The following LNX1 variants were observed in gnomAD, a reference collection of about 807,000 sequenced individuals.
LNX1 encodes the protein E3 ubiquitin-protein ligase LNX.
A neutral mutation model predicts 68.4 loss-of-function variants in LNX1; 54 were observed. The ratio of observed to expected loss-of-function variants is 0.79; its 90% CI spans 0.63 to 0.99. The LOEUF (loss-of-function observed/expected upper bound fraction) is 0.99, where lower values mean the gene tolerates loss of function less well. Ranked by LOEUF, LNX1 falls within the 50% of genes least tolerant of loss-of-function variation. The probability of loss-of-function intolerance (pLI) is 0.00; values close to 1 mark genes in which losing one functional copy is unlikely to be tolerated. For missense variants in LNX1, 906 were observed against 926.4 expected (o/e 0.98, Z 0.29); for synonymous variants, 336 against 350.0 (o/e 0.96, Z 0.45).
chr4:53,495,706 C>A (rs758468436), intron 6 of LNX1, among the ~76,000 whole-genome samples: 55 of 152,104 alleles, frequency 3.6e-4, no homozygotes, highest in Non-Finnish European at 6.5e-4. Flanking sequence ...CCACACCTGG[C>A]TAATTTTTTG....
chr4:53,483,740 G>A (rs1233271908), intron 6 of LNX1, among the ~76,000 whole-genome samples: 1 of 152,232 alleles, frequency 6.6e-6, no homozygotes. Context: ...AGAAGGGGCA[G>A]TGACCTGCCA....
chr4:53,632,852 A>T (rs561051360), intron 1 of LNX1, among the ~76,000 whole-genome samples: 1 of 152,344 alleles, frequency 6.6e-6, no homozygotes, highest in South Asian at 2.1e-4. Context: ...ATTTTCAGGA[A>T]TCATTTGTTT....
At chr4:53,615,796 A>G (rs866131471) in intron 2 of LNX1, among the ~76,000 whole-genome samples, 1 of 152,084 alleles carries the variant, frequency 6.6e-6, no homozygotes, top group Non-Finnish European at 1.5e-5. Flanking sequence ...GTAGGTGCAT[A>G]TATTTATGGG....
At chr4:53,502,717 T>G (rs1658577808) in intron 4 of LNX1, among the ~76,000 whole-genome samples, 1 of 152,246 alleles carries the variant, frequency 6.6e-6, no homozygotes. Flanking sequence ...TCAGTAGAAC[T>G]TCTTTCAAAA....
At chr4:53,601,125 A>G (rs1203550925) in intron 2 of LNX1, among the ~76,000 whole-genome samples, 1 of 151,398 alleles carries the variant, frequency 6.6e-6, no homozygotes, top group Non-Finnish European at 1.5e-5. Context: ...GAAGGAAAAT[A>G]TCTGAGAAGA....
chr4:53,595,721 A>AG (rs753880231), upstream of LNX1, among the ~76,000 whole-genome samples: 1 of 152,146 alleles, frequency 6.6e-6, no homozygotes, highest in Admixed American at 6.5e-5. Flanking sequence ...GGGAAATCTA[A>AG]GGGGGGAAGG....
intron 1 of LNX1, among the ~76,000 whole-genome samples, chr4:53,585,092 G>A (rs1732081167): frequency 6.6e-6 from 1 of 152,166 alleles, no homozygotes; most frequent in South Asian, 2.1e-4. Flanking sequence ...ACCTGGAAGT[G>A]AAGTTATCCT....
At chr4:53,625,491 A>G (rs1473096055) in intron 1 of LNX1, among the ~76,000 whole-genome samples, 1 of 152,158 alleles carries the variant, frequency 6.6e-6, no homozygotes, top group Non-Finnish European at 1.5e-5. Context: ...ATAATTTGGG[A>G]AATGTAGATT....
At chr4:53,498,261 T>C (rs1725211012) in intron 5 of LNX1, among the ~76,000 whole-genome samples, 1 of 152,234 alleles carries the variant, frequency 6.6e-6, no homozygotes, top group East Asian at 1.9e-4. Context: ...TAAGAAAATA[T>C]ATGTCCCAGT....
At chr4:53,623,843 G>A (rs1733974665) in intron 1 of LNX1, among the ~76,000 whole-genome samples, 1 of 152,150 alleles carries the variant, frequency 6.6e-6, no homozygotes, top group South Asian at 2.1e-4. Flanking sequence ...GCCCAAGGTT[G>A]CACAGTAAAT....
chr4:53,525,778 G>A (rs1727567720), intron 2 of LNX1, among the ~76,000 whole-genome samples: 1 of 152,212 alleles, frequency 6.6e-6, no homozygotes, highest in Admixed American at 6.5e-5. Context: ...GGCCAAAACA[G>A]TATCTCCCTT....
rs1025125192 is a variant in LNX1, at chr4:53,526,141, C to T, written c.381-17914G>A. ...TATTAAAAAAAGATAACATACGCCA[C>T]GTTCAGCAGGAAACCTCTTCCAATC... On this transcript the variant is annotated intron_variant, in intron 2 of 10. Transcript: ENST00000263925. Among the ~76,000 whole-genome samples the T allele has an allele frequency of 3.9e-5, 6 of 152,226 alleles. No homozygotes were observed. In the East Asian group the frequency reaches 5.8e-4, roughly 15 times the overall value.
At chr4:53,559,159 A>T (rs76256022) in intron 2 of LNX1, among the ~76,000 whole-genome samples, 4,274 of 152,316 alleles carry the variant, frequency 0.028, 205 homozygotes, top group African/African-American at 0.098. Context: ...AGTCTACAGG[A>T]TGAGACGAGT....
intron 9 of LNX1, among the ~76,000 whole-genome samples, chr4:53,463,778 A>G (rs548832089): frequency 5.3e-5 from 8 of 152,186 alleles, no homozygotes; most frequent in South Asian, 2.1e-4. Flanking sequence ...GAAATGAGTT[A>G]ATAAGTATGC....
At chr4:53,489,667 G>T (rs1216501625) in intron 6 of LNX1, among the ~76,000 whole-genome samples, 1 of 152,100 alleles carries the variant, frequency 6.6e-6, no homozygotes, top group Non-Finnish European at 1.5e-5. Flanking sequence ...ATTCACTCAT[G>T]AAATTCTAAG....
intron 4 of LNX1, 103 bp downstream of exon 4, chr4:53,507,214 G>A (rs987455351): frequency 8.1e-7 from 1 of 1,235,272 alleles, no homozygotes; most frequent in Non-Finnish European, 1.1e-6. Context: ...CCCTTGGGAA[G>A]AGAGGGGTCA....
chr4:53,560,386 T>C (rs1730201428), intron 2 of LNX1, among the ~76,000 whole-genome samples: 1 of 152,246 alleles, frequency 6.6e-6, no homozygotes, highest in Non-Finnish European at 1.5e-5. Flanking sequence ...TAAGGTTTTC[T>C]GTTGTTTTTT....
At chr4:53,535,023 G>C (rs1026461968) in intron 2 of LNX1, among the ~76,000 whole-genome samples, 2 of 152,224 alleles carry the variant, frequency 1.3e-5, no homozygotes, top group Non-Finnish European at 2.9e-5. Context: ...ATTAAGTCAT[G>C]AAGCTGATGG....
chr4:53,461,503 A>G lies in LNX1; in HGVS notation c.1983T>C (p.Asn661=), dbSNP rs1299583991. ...FCIVGGYEEY[N]GNKPFFIKSI... is the part of the protein sequence containing the mutation. ...ATTTGATGAAAAAAGGTTTGTTTCC[A>G]TTGTATTCTTCATAACCTCCTACAA... Residue 661 remains asparagine (N), a synonymous_variant, in exon 10 of 11, where the codon AAT becomes AAC. Coordinates refer to ENST00000263925, the MANE Select transcript of LNX1 (RefSeq NM_001126328.3). 2.5e-6 allele frequency: 4 copies of G among 1,612,494 alleles called. No individual in the cohort carries two copies. In the African/African-American group the frequency reaches 4.0e-5, roughly 16 times the overall value.
Sources: gnomAD v4.1 joint callset for allele counts (sites outside exome capture counted in the v4.1 genomes callset) on GRCh38, gnomAD v4.1.1 for gene constraint, MANE v1.5 for transcripts, NCBI Gene and HGNC (gene_info 2026-07-23, HGNC 2026-07-21) for gene names.